Variants in GLI3 observed in about 807,000 individuals in gnomAD.
The protein encoded by GLI3 is GLI family zinc finger 3, also known as transcription activator GLI3.
A neutral mutation model predicts 100.8 loss-of-function variants in GLI3; 20 were observed. The observed-to-expected ratio is 0.20, with a 90% CI of 0.14 to 0.29. The LOEUF (loss-of-function observed/expected upper bound fraction) is 0.29. Among genes scored for constraint, GLI3 ranks in the 10% least tolerant of loss-of-function variants. The probability of loss-of-function intolerance (pLI) is 1.00; values close to 1 mark genes in which losing one functional copy is unlikely to be tolerated. For synonymous variants in GLI3, 938 were observed against 860.5 expected (o/e 1.09, Z -1.58); for missense variants, 2,040 against 2,128.5 (o/e 0.96, Z 0.82).
chr7:42,218,998 AAC>A (rs1372394684), intron 2 of GLI3, among the ~76,000 whole-genome samples: 1 of 152,250 alleles, frequency 6.6e-6, no homozygotes, highest in Non-Finnish European at 1.5e-5. Context: ...GAACATGTAG[AAC>A]ATTGGAAGAT....
rs1787131661 is a variant in GLI3, at chr7:41,965,294, C to T, written c.3779G>A (p.Arg1260Lys). The change falls in exon 15 of 15, where the codon AGG (arginine) becomes AAG (lysine). Residue 1260 changes from arginine to lysine, a missense_variant. Transcript: ENST00000395925. ...GAGTGCACCAGGGGCCACTGGCTGC[C>T]TGTTGAGACAGTTCCCATACTGCGG... ...KAPQYGNCLN[R>K]QPVAPGALDG... is the part of the protein sequence containing the mutation. 6.2e-7 allele frequency: 1 copy of T among 1,613,732 alleles called. No homozygotes were observed.
chr7:42,142,206 C>G (rs1287754629), intron 3 of GLI3, among the ~76,000 whole-genome samples: 1 of 152,012 alleles, frequency 6.6e-6, no homozygotes, highest in Non-Finnish European at 1.5e-5. Flanking sequence ...TAAACATAAG[C>G]AGGATTTGAA....
intron 1 of GLI3, among the ~76,000 whole-genome samples, chr7:42,257,245 T>G (rs565287895): frequency 1.3e-5 from 2 of 152,250 alleles, no homozygotes; most frequent in East Asian, 3.9e-4. Flanking sequence ...ACTAAATTTT[T>G]TTTCTTTTTC....
At chr7:41,974,079 A>G (rs1583743752) in intron 12 of GLI3, among the ~76,000 whole-genome samples, 1 of 152,326 alleles carries the variant, frequency 6.6e-6, no homozygotes, top group South Asian at 2.1e-4. Context: ...AGACTGGGAT[A>G]TATGGGGCAG....
intron 7 of GLI3, among the ~76,000 whole-genome samples, chr7:42,033,108 A>G (rs1789341775): frequency 6.6e-6 from 1 of 152,198 alleles, no homozygotes; most frequent in African/African-American, 2.4e-5. Context: ...AGAGCTGGGC[A>G]GGTAGGTGAT....
intron 3 of GLI3, among the ~76,000 whole-genome samples, chr7:42,092,118 G>A (rs975665848): frequency 6.6e-5 from 10 of 152,296 alleles, no homozygotes; most frequent in East Asian, 3.9e-4. Flanking sequence ...AGATAACCCC[G>A]AAGAGATTAT....
intron 13 of GLI3, among the ~76,000 whole-genome samples, chr7:41,971,705 G>A (rs896072758): frequency 3.3e-5 from 5 of 152,114 alleles, no homozygotes; most frequent in Admixed American, 3.3e-4. Context: ...CAAAAAACAA[G>A]AACAAAAAAA....
chr7:42,083,888 T>G (rs571615503), intron 3 of GLI3, among the ~76,000 whole-genome samples: 1 of 152,206 alleles, frequency 6.6e-6, no homozygotes, highest in Non-Finnish European at 1.5e-5. Flanking sequence ...AAATTAACCA[T>G]AAATCTAGCA....
At chr7:42,217,943 G>A (rs893146335) in intron 2 of GLI3, among the ~76,000 whole-genome samples, 5 of 152,200 alleles carry the variant, frequency 3.3e-5, no homozygotes, top group African/African-American at 1.2e-4. Flanking sequence ...GGCAGCCTGT[G>A]AAGTGTGAAG....
chr7:42,090,652 T>C (rs1785198211), intron 3 of GLI3, among the ~76,000 whole-genome samples: 1 of 152,218 alleles, frequency 6.6e-6, no homozygotes, highest in African/African-American at 2.4e-5. Context: ...TCCATATCTC[T>C]GTCCCTAAGT....
intron 10 of GLI3, among the ~76,000 whole-genome samples, chr7:41,989,294 A>C (rs956928787): frequency 1.3e-5 from 2 of 152,254 alleles, no homozygotes; most frequent in African/African-American, 4.8e-5. Context: ...CCATTCTCCA[A>C]AGAGGCACCT....
At chr7:41,999,050 T>C (rs143189249) in intron 10 of GLI3, among the ~76,000 whole-genome samples, 1 of 152,214 alleles carries the variant, frequency 6.6e-6, no homozygotes, top group African/African-American at 2.4e-5. Flanking sequence ...TTGCTTAGTA[T>C]GAAAAATGGA....
Position 42,077,733 on chromosome 7 carries a change from A to T in GLI3, c.368-876T>A, listed in dbSNP as rs1028471357. On this transcript the variant is annotated intron_variant, in intron 3 of 14. Transcript: ENST00000395925. ...TTGTCACTGAAAATAAACCTTTATT[A>T]AAAAAAAAAAAGTGATTCACTGTAA... Among the ~76,000 whole-genome samples the T allele has an allele frequency of 7.7e-5, 11 of 143,484 alleles. 1 individual carries two copies. The South Asian group carries it at 8.8e-4, about 11-fold the overall frequency. 94.1% of individuals were successfully genotyped at this position (143,484 alleles called of 152,430 possible). A position where few individuals can be genotyped will look rare whatever the true frequency, so the allele number is the denominator to read the frequency against.
At chr7:42,007,521 T>A in intron 10 of GLI3, among the ~76,000 whole-genome samples, 1 of 152,170 alleles carries the variant, frequency 6.6e-6, no homozygotes, top group Non-Finnish European at 1.5e-5. Context: ...AAAAAACGCC[T>A]TTCCTGGTAT....
chr7:42,121,731 C>G (rs1041995458), intron 3 of GLI3, among the ~76,000 whole-genome samples: 1 of 152,142 alleles, frequency 6.6e-6, no homozygotes, highest in East Asian at 1.9e-4. Flanking sequence ...CCACCTCCTC[C>G]CCCTCCATCA....
Position 42,096,371 on chromosome 7 carries a change from G to T in GLI3, c.368-19514C>A, listed in dbSNP as rs143337328. Among the ~76,000 whole-genome samples, 572 of 152,320 alleles carry T rather than the reference G, an allele frequency of 3.8e-3. 2 individuals carry two copies. The highest frequency in any genetic ancestry group is 0.02 in the Middle Eastern group (6 of 294). On this transcript the variant is annotated intron_variant, in intron 3 of 14. Coordinates refer to ENST00000395925, the MANE Select transcript of GLI3 (RefSeq NM_000168.6). ...TAAAGGAGAGGGATGGGAGAGTACA[G>T]GAACGGGCTGGCTTTAAAGAGTGTC...
chr7:42,013,813 G>A (rs1466833582), intron 10 of GLI3, among the ~76,000 whole-genome samples: 1 of 152,074 alleles, frequency 6.6e-6, no homozygotes, highest in Non-Finnish European at 1.5e-5. Context: ...TTATCCCAAC[G>A]ACCCTGATAA....
intron 10 of GLI3, among the ~76,000 whole-genome samples, chr7:42,003,120 G>C (rs1788354045): frequency 6.6e-6 from 1 of 152,166 alleles, no homozygotes; most frequent in South Asian, 2.1e-4. Context: ...AAAAACATTT[G>C]TTGAGCAATA....
At chr7:42,116,015 C>T (rs1368978605) in intron 3 of GLI3, among the ~76,000 whole-genome samples, 3 of 152,026 alleles carry the variant, frequency 2.0e-5, no homozygotes, top group South Asian at 2.1e-4. Flanking sequence ...GCATCATCAG[C>T]TCACAGAGCA....
Sources: gnomAD v4.1 joint callset for allele counts (sites outside exome capture counted in the v4.1 genomes callset) on GRCh38, gnomAD v4.1.1 for gene constraint, MANE v1.5 for transcripts, NCBI Gene and HGNC (gene_info 2026-07-23, HGNC 2026-07-21) for gene names.